Variants in SLC22A3 observed in about 807,000 individuals in gnomAD.
SLC22A3 encodes solute carrier family 22 member 3.
Under a neutral mutation model 59.1 loss-of-function variants are expected in SLC22A3, and 51 were observed. That is an observed-to-expected ratio of 0.86 (90% CI 0.69 to 1.09). SLC22A3 has a LOEUF of 1.09. SLC22A3 is among the 50% of genes least tolerant of loss of function. The pLI, the probability that SLC22A3 is intolerant of heterozygous loss-of-function variation, is 0.00. For synonymous variants in SLC22A3, 325 were observed against 292.0 expected (o/e 1.11, Z -1.15); for missense variants, 711 against 726.3 (o/e 0.98, Z 0.24).
chr6:160,419,825 T>C lies in SLC22A3; in HGVS notation c.975+8979T>C, dbSNP rs766793198. Among the ~76,000 whole-genome samples, 61 of 152,308 alleles carry C rather than the reference T, an allele frequency of 4.0e-4. No homozygotes were observed. The Middle Eastern group carries it at 0.01, about 25-fold the overall frequency. ...AATGCATAAAAATATGTCAGGACACTGGACATACTCAACACAGAATGGAAC... is the reference window on the plus strand; with the variant it reads ...AATGCATAAAAATATGTCAGGACACCGGACATACTCAACACAGAATGGAAC... On this transcript the variant is annotated intron_variant, in intron 5 of 10. Transcript: ENST00000275300.
At chr6:160,404,032 T>C (rs1786900809) in intron 2 of SLC22A3, among the ~76,000 whole-genome samples, 1 of 152,012 alleles carries the variant, frequency 6.6e-6, no homozygotes, top group South Asian at 2.1e-4. Flanking sequence ...TCATCTCTAA[T>C]AACTTCTTTT....
intron 7 of SLC22A3, among the ~76,000 whole-genome samples, chr6:160,437,652 C>T (rs1259764100): frequency 2.6e-5 from 4 of 152,096 alleles, no homozygotes; most frequent in Non-Finnish European, 4.4e-5. Context: ...AATATTGTCA[C>T]GATTCTTATT....
At chr6:160,433,685 T>C (rs947512866) in intron 5 of SLC22A3, among the ~76,000 whole-genome samples, 3 of 152,096 alleles carry the variant, frequency 2.0e-5, no homozygotes, top group Non-Finnish European at 2.9e-5. Flanking sequence ...CTAGCCTAGG[T>C]GACAGAGAGA....
chr6:160,446,188 G>A (rs1286003049), intron 9 of SLC22A3, among the ~76,000 whole-genome samples: 1 of 152,180 alleles, frequency 6.6e-6, no homozygotes. Flanking sequence ...TGTGGATCTG[G>A]TGGCCAGCAA....
At chr6:160,438,601 C>CACACACACAT (rs1392314385) in intron 7 of SLC22A3, among the ~76,000 whole-genome samples, 4 of 5,170 alleles carry the variant, frequency 7.7e-4, no homozygotes, top group African/African-American at 6.0e-3. Context: ...CACACATACA[C>CACACACACAT]ACACACACAC....
At chr6:160,397,943 G>T in intron 1 of SLC22A3, 36 bp from the exon 2 acceptor site, 2 of 1,462,116 alleles carry the variant, frequency 1.4e-6, no homozygotes, top group South Asian at 1.1e-5. Context: ...TCTGCATTCT[G>T]GCATGTCTCC....
At chr6:160,417,815 A>G (rs1787562912) in intron 5 of SLC22A3, among the ~76,000 whole-genome samples, 1 of 152,184 alleles carries the variant, frequency 6.6e-6, no homozygotes, top group Non-Finnish European at 1.5e-5. Context: ...CACCTCAGCC[A>G]TCACCATGAA....
intron 5 of SLC22A3, among the ~76,000 whole-genome samples, chr6:160,413,159 A>G (rs1562491077): frequency 6.6e-6 from 1 of 152,230 alleles, no homozygotes; most frequent in Non-Finnish European, 1.5e-5. Context: ...GATAGTGAGT[A>G]TCACTGAGAG....
intron 5 of SLC22A3, chr6:160,425,761 G>A: frequency 2.1e-6 from 2 of 945,682 alleles, no homozygotes; most frequent in Non-Finnish European, 2.5e-6. Context: ...ATTAATTATG[G>A]AAACTAGTCT....
intron 7 of SLC22A3, among the ~76,000 whole-genome samples, chr6:160,442,026 C>A (rs946513832): frequency 2.6e-5 from 4 of 152,184 alleles, no homozygotes; most frequent in Non-Finnish European, 5.9e-5. Flanking sequence ...GAATGTTTGG[C>A]ATTTCCCACT....
chr6:160,450,944 T>C (rs1198136345), intron 10 of SLC22A3, 52 bp from the exon 11 acceptor site: 1 of 1,503,106 alleles, frequency 6.7e-7, no homozygotes, highest in African/African-American at 1.4e-5. Context: ...GAACACCCTC[T>C]TCTAACTAGT....
At chr6:160,409,819 T>A (rs1273585021) in intron 4 of SLC22A3, among the ~76,000 whole-genome samples, 1 of 152,198 alleles carries the variant, frequency 6.6e-6, no homozygotes, top group Non-Finnish European at 1.5e-5. Flanking sequence ...TTGTAATAAA[T>A]AGCTTCATGA....
At chr6:160,426,334 G>GT in intron 5 of SLC22A3, 1 of 985,308 alleles carries the variant, frequency 1.0e-6, no homozygotes, top group Non-Finnish European at 1.2e-6. Context: ...TGTGGTTTTG[G>GT]TTCTTGTTTT....
At chr6:160,353,686 A>G (rs1051387961) in intron 1 of SLC22A3, among the ~76,000 whole-genome samples, 8 of 151,860 alleles carry the variant, frequency 5.3e-5, no homozygotes, top group African/African-American at 1.9e-4. Context: ...GTTGGTGTGC[A>G]TTCTCGGGTC....
intron 4 of SLC22A3, among the ~76,000 whole-genome samples, chr6:160,409,458 T>A: frequency 7.2e-6 from 1 of 137,978 alleles, no homozygotes; most frequent in East Asian, 2.1e-4. Context: ...TCTTTGCTAT[T>A]GTGAATAGTG....
intron 1 of SLC22A3, among the ~76,000 whole-genome samples, chr6:160,369,810 T>C (rs372226471): frequency 6.6e-6 from 1 of 151,760 alleles, no homozygotes; most frequent in Non-Finnish European, 1.5e-5. Flanking sequence ...AAAACAACCA[T>C]TTTTTTTTAC....
At chr6:160,442,707 T>C (rs1357746031) in intron 7 of SLC22A3, 54 bp from the exon 8 acceptor site, 2 of 1,313,460 alleles carry the variant, frequency 1.5e-6, no homozygotes, top group South Asian at 1.2e-5. Flanking sequence ...TTCTGTAAAA[T>C]GTTAATGAAA....
At chr6:160,385,562 C>T (rs914734186) in intron 1 of SLC22A3, among the ~76,000 whole-genome samples, 2 of 152,198 alleles carry the variant, frequency 1.3e-5, no homozygotes, top group Admixed American at 1.3e-4. Context: ...CCTCCAGTCC[C>T]TCAACACACA....
rs376739430 is a variant in SLC22A3, at chr6:160,443,772, C to T, written c.1510+30C>T. ...GAACTCATTTGCTATTCTTAAGAGC[C>T]TTCATCTACATTCTTTGTACTAAAA... is the stretch of plus-strand genomic sequence containing the variant. On this transcript the variant is annotated intron_variant, in intron 9 of 10. Transcript: ENST00000275300. 42 of 1,357,482 alleles carry T rather than the reference C, an allele frequency of 3.1e-5. 2 individuals are homozygous for T. In the African/African-American group the frequency reaches 5.3e-4, roughly 17 times the overall value. 84.1% of individuals were successfully genotyped at this position (1,357,482 alleles called of 1,614,324 possible).
Sources: allele counts gnomAD v4.1 joint callset (sites outside exome capture counted in the v4.1 genomes callset), GRCh38; gene constraint gnomAD v4.1.1; transcripts MANE v1.5; gene names NCBI Gene and HGNC (gene_info 2026-07-23, HGNC 2026-07-21).